The following INPP4B variants were observed in gnomAD, a reference collection of about 807,000 sequenced individuals.
The protein encoded by INPP4B is inositol polyphosphate 4-phosphatase type II.
In INPP4B, 55 loss-of-function variants were observed where a neutral mutation model predicts 122.5. That is an observed-to-expected ratio of 0.45 (90% confidence interval 0.36 to 0.56). The LOEUF (loss-of-function observed/expected upper bound fraction) is 0.56. INPP4B is among the 20% of genes least tolerant of loss of function. The probability of loss-of-function intolerance (pLI) is 0.00; values close to 1 mark genes in which losing one functional copy is unlikely to be tolerated. For synonymous variants in INPP4B, 403 were observed against 388.7 expected (o/e 1.04, Z -0.43); for missense variants, 1,000 against 1,097.7 (o/e 0.91, Z 1.26).
At chr4:142,367,894 A>G (rs1163240857) in intron 7 of INPP4B, among the ~76,000 whole-genome samples, 1 of 152,190 alleles carries the variant, frequency 6.6e-6, no homozygotes, top group Admixed American at 6.6e-5. Context: ...GGCAAAGGCA[A>G]TAAACCATGG....
chr4:142,119,651 TG>T (rs1339414540), intron 21 of INPP4B, among the ~76,000 whole-genome samples: 2 of 78,618 alleles, frequency 2.5e-5, no homozygotes, highest in Admixed American at 3.3e-4. Flanking sequence ...TGTCGTGGGG[TG>T]GGGGGAAGGG....
intron 2 of INPP4B, among the ~76,000 whole-genome samples, chr4:142,653,123 A>G (rs568596183): frequency 6.6e-6 from 1 of 152,352 alleles, no homozygotes; most frequent in East Asian, 1.9e-4. Flanking sequence ...GGAAATGGGG[A>G]AAGGATCCCC....
In INPP4B at chr4:142,773,166, A is replaced by T. The variant is rs114373468; in HGVS notation, c.-253-47265T>A. On this transcript the variant is annotated intron_variant, in intron 1 of 25. Coordinates refer to ENST00000262992, the MANE Select transcript of INPP4B (RefSeq NM_001101669.3). ...CTTAGAAACTGATGCTGGAAAGTAA[A>T]AATGAAAGCATCCTCCTAGACTAGA... is the stretch of plus-strand genomic sequence containing the variant. Among the ~76,000 whole-genome samples the T allele has an allele frequency of 9.2e-3, 1,403 of 152,282 alleles. 26 individuals carry two copies. Among genetic ancestry groups the T allele is most frequent in the African/African-American group, 0.031 (1,305 of 41,564 alleles).
chr4:142,470,538 C>A lies in INPP4B; in HGVS notation c.-190-7812G>T, dbSNP rs138562615. On this transcript the variant is annotated intron_variant, in intron 2 of 25. Transcript: ENST00000262992. ...CAGAAAATCTAGGAGGCATTCTCAC[C>A]ATATGTGGTTAGCACAAGATGCTCA... Among the ~76,000 whole-genome samples the A allele has an allele frequency of 1.7e-4, 26 of 152,276 alleles. 1 individual carries two copies. In the East Asian group the frequency reaches 5.0e-3, roughly 29 times the overall value.
chr4:142,048,328 A>C (rs1229898768), intron 25 of INPP4B, among the ~76,000 whole-genome samples: 1 of 152,060 alleles, frequency 6.6e-6, no homozygotes, highest in Non-Finnish European at 1.5e-5. Flanking sequence ...ACAGCTCAAC[A>C]CTCAGCATAA....
intron 1 of INPP4B, among the ~76,000 whole-genome samples, chr4:142,786,394 G>A (rs556385691): frequency 5.9e-5 from 9 of 152,036 alleles, no homozygotes; most frequent in Non-Finnish European, 1.2e-4. Context: ...ATAACCCAAA[G>A]CATAAAATAA....
intron 15 of INPP4B, among the ~76,000 whole-genome samples, chr4:142,190,743 TGTGC>T (rs759827513): frequency 0.03 from 4,104 of 134,958 alleles, 114 homozygotes; most frequent in African/African-American, 0.082. Flanking sequence ...TGTGTGTGTG[TGTGC>T]GCGTGTGTGT....
intron 7 of INPP4B, among the ~76,000 whole-genome samples, chr4:142,334,190 A>G (rs1775714807): frequency 6.6e-6 from 1 of 152,132 alleles, no homozygotes; most frequent in African/African-American, 2.4e-5. Flanking sequence ...AGAATTTCTT[A>G]CTTTTCTTTG....
At chr4:142,516,318 AG>A in intron 2 of INPP4B, among the ~76,000 whole-genome samples, 1 of 152,328 alleles carries the variant, frequency 6.6e-6, no homozygotes, top group East Asian at 1.9e-4. Flanking sequence ...TGTCTTAAAC[AG>A]GAGCAAACAA....
chr4:142,495,129 GTATT>G (rs1822372446), intron 2 of INPP4B, among the ~76,000 whole-genome samples: 1 of 151,976 alleles, frequency 6.6e-6, no homozygotes. Flanking sequence ...AAACTTTTCT[GTATT>G]AATTAATACA....
intron 1 of INPP4B, among the ~76,000 whole-genome samples, chr4:142,810,256 A>T (rs1034727365): frequency 1.3e-5 from 2 of 152,092 alleles, no homozygotes; most frequent in Admixed American, 1.3e-4. Flanking sequence ...TAGAAGTGTA[A>T]ATTTTATGTT....
chr4:142,498,963 T>G (rs1475855547), intron 2 of INPP4B, among the ~76,000 whole-genome samples: 1 of 152,200 alleles, frequency 6.6e-6, no homozygotes, highest in Non-Finnish European at 1.5e-5. Context: ...TATTGTCAAA[T>G]ATAGATGCAA....
chr4:142,687,090 G>C (rs1373645827), intron 2 of INPP4B, among the ~76,000 whole-genome samples: 1 of 151,874 alleles, frequency 6.6e-6, no homozygotes, highest in Non-Finnish European at 1.5e-5. Context: ...TAACAAGATG[G>C]GGGACTTTTT....
intron 7 of INPP4B, chr4:142,384,184 C>T (rs1795155645): frequency 4.3e-6 from 3 of 700,072 alleles, no homozygotes; most frequent in Admixed American, 4.0e-5. Context: ...TCAAGAATTC[C>T]AGTACATGTG....
At chr4:142,706,610 C>T (rs1181733350) in intron 2 of INPP4B, among the ~76,000 whole-genome samples, 1 of 152,238 alleles carries the variant, frequency 6.6e-6, no homozygotes, top group African/African-American at 2.4e-5. Flanking sequence ...CTGCAATCAT[C>T]CTAGGCTAAG....
intron 11 of INPP4B, among the ~76,000 whole-genome samples, chr4:142,260,071 G>A (rs1482359985): frequency 1.3e-5 from 2 of 152,018 alleles, no homozygotes; most frequent in African/African-American, 2.4e-5. Context: ...TGCAACCTCC[G>A]CCCCTCGGGT....
intron 8 of INPP4B, among the ~76,000 whole-genome samples, chr4:142,311,518 C>T (rs1015428781): frequency 1.3e-5 from 2 of 152,076 alleles, no homozygotes; most frequent in African/African-American, 4.8e-5. Context: ...TTATTCAATA[C>T]ATAGTTCATA....
chr4:142,344,410 A>G (rs1254601870), intron 7 of INPP4B, among the ~76,000 whole-genome samples: 2 of 152,078 alleles, frequency 1.3e-5, no homozygotes, highest in African/African-American at 4.8e-5. Context: ...ATTATAATGG[A>G]AAATGTATGT....
intron 5 of INPP4B, among the ~76,000 whole-genome samples, chr4:142,409,939 C>T (rs1365434885): frequency 6.6e-6 from 1 of 152,198 alleles, no homozygotes; most frequent in Admixed American, 6.5e-5. Flanking sequence ...AGGTGGGACT[C>T]TTCAGGATTT....
Sources: allele counts gnomAD v4.1 joint callset (sites outside exome capture counted in the v4.1 genomes callset), GRCh38; gene constraint gnomAD v4.1.1; transcripts MANE v1.5; gene names NCBI Gene and HGNC (gene_info 2026-07-23, HGNC 2026-07-21).